Variants in DIP2C observed in about 807,000 individuals in gnomAD.
DIP2C encodes the protein disco-interacting protein 2 homolog C.
DIP2C carries 33 observed loss-of-function variants against 192.4 expected under a neutral mutation model. That is an observed-to-expected ratio of 0.17 (90% CI 0.13 to 0.23). The LOEUF is 0.23. Ranked by LOEUF, DIP2C falls within the 10% of genes least tolerant of loss-of-function variation. The pLI is 1.00. For synonymous variants in DIP2C, 979 were observed against 864.1 expected, an observed-to-expected ratio of 1.13 and a Z score of -2.33; for missense variants, 1,537 against 2,110.1, an observed-to-expected ratio of 0.73 and a Z score of 5.32.
chr10:387,895 G>A, intron 13 of DIP2C, 86 bp from the exon 14 acceptor site: 2 of 1,351,300 alleles, frequency 1.5e-6, no homozygotes, highest in Non-Finnish European at 2.1e-6. Flanking sequence ...TATTGCATCA[G>A]GGGAAATAAC....
chr10:520,180 G>A (rs904605944), intron 1 of DIP2C, among the ~76,000 whole-genome samples: 5 of 152,180 alleles, frequency 3.3e-5, no homozygotes, highest in Non-Finnish European at 7.3e-5. Flanking sequence ...GAACCAAGGC[G>A]GCTGGGGTCG....
At chr10:487,604 GTCTC>G (rs551444362) in intron 1 of DIP2C, among the ~76,000 whole-genome samples, 3 of 107,262 alleles carry the variant, frequency 2.8e-5, no homozygotes, top group African/African-American at 7.5e-5. Flanking sequence ...TTTTGAGACA[GTCTC>G]TCTCTGTCGC....
chr10:650,895 T>C, intron 1 of DIP2C: 1 of 717,532 alleles, frequency 1.4e-6, no homozygotes, highest in Non-Finnish European at 2.6e-6. Context: ...TTCGTGGGCC[T>C]CACGGGGGAA....
intron 3 of DIP2C, among the ~76,000 whole-genome samples, chr10:450,302 G>C (rs914280723): frequency 1.3e-5 from 2 of 152,076 alleles, no homozygotes; most frequent in African/African-American, 4.8e-5. Flanking sequence ...ATGTGGACCC[G>C]ACACAAGAGA....
chr10:353,803 A>G (rs1349355136), intron 24 of DIP2C, among the ~76,000 whole-genome samples: 1 of 152,182 alleles, frequency 6.6e-6, no homozygotes, highest in Non-Finnish European at 1.5e-5. Context: ...CTGAACGGAC[A>G]CTTATGGTGT....
chr10:329,410 G>C (rs758719288), intron 30 of DIP2C, 23 bp downstream of exon 30: 8 of 1,603,736 alleles, frequency 5.0e-6, no homozygotes, highest in Non-Finnish European at 6.8e-6. Flanking sequence ...ACAGGGCACT[G>C]AGCTGCCAAG....
At chr10:650,869 C>A (rs1192480896) in intron 1 of DIP2C, 4 of 717,410 alleles carry the variant, frequency 5.6e-6, no homozygotes, top group Non-Finnish European at 1.0e-5. Context: ...TGGCATAACA[C>A]AAACTCCCCC....
chr10:593,485 A>ACCC (rs10563749), intron 1 of DIP2C, among the ~76,000 whole-genome samples: 1,774 of 64,236 alleles, frequency 0.028, 1 homozygote, highest in Non-Finnish European at 0.031. Flanking sequence ...CCCACGCGGG[A>ACCC]CCCCCCCCCC....
intron 24 of DIP2C, among the ~76,000 whole-genome samples, chr10:350,095 C>T (rs576875344): frequency 1.4e-4 from 21 of 152,186 alleles, no homozygotes; most frequent in African/African-American, 3.4e-4. Context: ...GTGTGGGATT[C>T]GCTGTTTTTT....
At chr10:428,216 TATG>T (rs1202442077) in intron 4 of DIP2C, among the ~76,000 whole-genome samples, 1 of 152,198 alleles carries the variant, frequency 6.6e-6, no homozygotes, top group Non-Finnish European at 1.5e-5. Flanking sequence ...TAAAGTGTTC[TATG>T]ATTTTATATT....
chr10:592,951 G>A (rs1851488591), intron 1 of DIP2C, among the ~76,000 whole-genome samples: 1 of 152,142 alleles, frequency 6.6e-6, no homozygotes, highest in Non-Finnish European at 1.5e-5. Context: ...CGAGGTCACT[G>A]TTATTTGTAC....
intron 1 of DIP2C, among the ~76,000 whole-genome samples, chr10:592,706 CTA>C (rs1233331320): frequency 6.6e-6 from 1 of 152,102 alleles, no homozygotes; most frequent in Non-Finnish European, 1.5e-5. Context: ...TAAATTATAA[CTA>C]TTACTATGAA....
chr10:672,089 G>A (rs1467529344), intron 1 of DIP2C, among the ~76,000 whole-genome samples: 1 of 147,712 alleles, frequency 6.8e-6, no homozygotes, highest in Admixed American at 6.8e-5. Flanking sequence ...ACGCACGGAC[G>A]GAGTAAACAG....
chr10:665,479 G>A (rs906705774), intron 1 of DIP2C: 12 of 152,112 alleles, frequency 7.9e-5, no homozygotes, highest in African/African-American at 2.4e-4. Flanking sequence ...GTAGTTCCAG[G>A]AAACTTCACA....
chr10:656,363 CTG>C (rs1034139605), intron 1 of DIP2C, among the ~76,000 whole-genome samples: 1 of 152,186 alleles, frequency 6.6e-6, no homozygotes, highest in Non-Finnish European at 1.5e-5. Context: ...CTGCACTACT[CTG>C]TATAATTCTA....
intron 1 of DIP2C, among the ~76,000 whole-genome samples, chr10:602,949 G>A (rs1852191886): frequency 6.6e-6 from 1 of 152,086 alleles, no homozygotes; most frequent in Non-Finnish European, 1.5e-5. Context: ...CCCCTCACCG[G>A]AGCCGTTGGG....
At chr10:385,762 G>A (rs1022356376) in intron 14 of DIP2C, among the ~76,000 whole-genome samples, 1 of 152,256 alleles carries the variant, frequency 6.6e-6, no homozygotes, top group Non-Finnish European at 1.5e-5. Context: ...CTGTGTGGCG[G>A]GCTAGGATTC....
chr10:580,793 G>C (rs535002929), intron 1 of DIP2C, among the ~76,000 whole-genome samples: 3 of 152,132 alleles, frequency 2.0e-5, no homozygotes, highest in Non-Finnish European at 4.4e-5. Flanking sequence ...TAATTTTCAT[G>C]AATAAAGCTA....
chr10:545,633 G>A (rs1848243443), intron 1 of DIP2C, among the ~76,000 whole-genome samples: 1 of 152,188 alleles, frequency 6.6e-6, no homozygotes, highest in African/African-American at 2.4e-5. Context: ...CAGAACAAAG[G>A]AAATAAGATG....
Sources: allele counts gnomAD v4.1 joint callset (sites outside exome capture counted in the v4.1 genomes callset), GRCh38; gene constraint gnomAD v4.1.1; transcripts MANE v1.5; gene names NCBI Gene and HGNC (gene_info 2026-07-23, HGNC 2026-07-21).